The following DCC variants were observed in gnomAD, a reference collection of about 807,000 sequenced individuals.
DCC encodes netrin receptor DCC.
Under a neutral mutation model 172.5 loss-of-function variants are expected in DCC, and 58 were observed. The observed-to-expected ratio is 0.34, with a 90% CI of 0.27 to 0.42. DCC has a LOEUF of 0.42. Ranked by LOEUF, DCC falls within the 10% of genes least tolerant of loss-of-function variation. The pLI, the probability that DCC is intolerant of heterozygous loss-of-function variation, is 1.00. For synonymous variants in DCC, 709 were observed against 644.5 expected, an observed-to-expected ratio of 1.10 and a Z score of -1.52; for missense variants, 1,740 against 1,791.0, an observed-to-expected ratio of 0.97 and a Z score of 0.51.
chr18:52,823,019 G>T (rs556164865), intron 2 of DCC, among the ~76,000 whole-genome samples: 1 of 152,266 alleles, frequency 6.6e-6, no homozygotes, highest in African/African-American at 2.4e-5. Context: ...TGTGTCCCAT[G>T]AAAACATAAG....
chr18:52,924,968 T>C (rs529058759), intron 4 of DCC, among the ~76,000 whole-genome samples: 3 of 128,300 alleles, frequency 2.3e-5, no homozygotes, highest in African/African-American at 8.3e-5. Context: ...GACTAGATTA[T>C]CTATCATTTT....
At chr18:52,372,411 G>A (rs899731061) in intron 1 of DCC, among the ~76,000 whole-genome samples, 8 of 152,166 alleles carry the variant, frequency 5.3e-5, no homozygotes, top group African/African-American at 1.9e-4. Flanking sequence ...AGGCTAAACT[G>A]TTCCACAAGG....
In DCC at chr18:52,508,031, C is replaced by T. The variant is rs570350627; in HGVS notation, c.91+167153C>T. ...CAGGAGAATTACTTGAACCTGGAAG[C>T]GGAGGTTGCAGTGAGCTGAGTTTGA... is the stretch of plus-strand genomic sequence containing the variant. On this transcript the variant is annotated intron_variant, in intron 1 of 28. Transcript: ENST00000442544. 3.5e-3 allele frequency among the ~76,000 whole-genome samples: 529 copies of T among 151,856 alleles called. 5 individuals are homozygous for T. The highest frequency in any genetic ancestry group is 0.012 in the African/African-American group (486 of 41,386).
Position 53,435,047 on chromosome 18 carries a change from A to G in DCC, c.3164-97A>G, listed in dbSNP as rs575324590. ...GGCTTTCTTGGGGGTGATCAAAGTA[A>G]TCTGTTCTGTTATTGTGTGTGTTAA... On this transcript the variant is annotated intron_variant, in intron 21 of 28. Coordinates refer to ENST00000442544, the MANE Select transcript of DCC (RefSeq NM_005215.4). 54 of 919,978 alleles carry G rather than the reference A, an allele frequency of 5.9e-5. No individual in the cohort carries two copies. In the East Asian group the frequency reaches 1.3e-3, roughly 22 times the overall value. 57.0% of individuals were successfully genotyped at this position (919,978 alleles called of 1,614,324 possible).
intron 7 of DCC, among the ~76,000 whole-genome samples, chr18:53,081,020 CATAAG>C (rs550581048): frequency 7.0e-4 from 107 of 152,136 alleles, no homozygotes; most frequent in South Asian, 2.3e-3. Flanking sequence ...TATGCATTAA[CATAAG>C]ATAACCACTG....
At chr18:52,500,358 G>A (rs9965438) in intron 1 of DCC, among the ~76,000 whole-genome samples, 4,882 of 152,244 alleles carry the variant, frequency 0.032, 275 homozygotes, top group African/African-American at 0.11. Flanking sequence ...TTAGCATCCT[G>A]AAAGAGTGAT....
chr18:53,354,398 A>G (rs1260650407), intron 15 of DCC, among the ~76,000 whole-genome samples: 2 of 152,090 alleles, frequency 1.3e-5, no homozygotes, highest in Admixed American at 6.6e-5. Flanking sequence ...AAGTGTTCCT[A>G]TTTCTCCACA....
At position 52,401,427 on chromosome 18, in the gene DCC, T is replaced by G. The variant is rs1195209959; in HGVS notation, c.91+60549T>G. Among the ~76,000 whole-genome samples the G allele has an allele frequency of 5.3e-5, 8 of 152,164 alleles. No homozygotes were observed. In the East Asian group the frequency reaches 1.6e-3, roughly 30 times the overall value. On this transcript the variant is annotated intron_variant, in intron 1 of 28. Transcript: ENST00000442544. ...GATAAGGACAGAACAAAATTCATAT[T>G]CTAACCATTTACTGACGCTGAAGCA...
chr18:53,175,904 A>G (rs1171919458), intron 8 of DCC, among the ~76,000 whole-genome samples: 3 of 152,244 alleles, frequency 2.0e-5, no homozygotes, highest in Non-Finnish European at 4.4e-5. Flanking sequence ...AGCTGGAGGT[A>G]TCACACTACC....
intron 5 of DCC, among the ~76,000 whole-genome samples, chr18:53,015,367 G>T (rs2041793806): frequency 6.6e-6 from 1 of 152,112 alleles, no homozygotes; most frequent in Admixed American, 6.6e-5. Context: ...GTATGACTCT[G>T]ATTAATCATA....
intron 7 of DCC, among the ~76,000 whole-genome samples, chr18:53,100,432 C>A (rs57141605): frequency 0.038 from 5,728 of 151,400 alleles, 283 homozygotes; most frequent in East Asian, 0.25. Flanking sequence ...ATGTTCACAG[C>A]AAATAAATAG....
At chr18:53,146,459 T>A (rs1014421488) in intron 7 of DCC, among the ~76,000 whole-genome samples, 1 of 152,116 alleles carries the variant, frequency 6.6e-6, no homozygotes, top group Non-Finnish European at 1.5e-5. Context: ...TGGGGCAAAC[T>A]CTTTGCCAAG....
chr18:53,459,172 A>G, intron 23 of DCC, 60 bp from the exon 24 acceptor site: 1 of 1,312,810 alleles, frequency 7.6e-7, no homozygotes, highest in Non-Finnish European at 1.1e-6. Flanking sequence ...TGACTGATGA[A>G]AGAAAGGAAG....
intron 1 of DCC, among the ~76,000 whole-genome samples, chr18:52,659,695 T>C (rs1268314170): frequency 6.6e-6 from 1 of 152,208 alleles, no homozygotes; most frequent in Non-Finnish European, 1.5e-5. Flanking sequence ...ACTCAACAAA[T>C]GCTTTCGAAC....
At chr18:53,428,412 TATATA>T (rs1167084383) in intron 21 of DCC, among the ~76,000 whole-genome samples, 5 of 55,040 alleles carry the variant, frequency 9.1e-5, no homozygotes, top group South Asian at 6.0e-4. Context: ...ATATATTACA[TATATA>T]ATATAATATA....
intron 8 of DCC, among the ~76,000 whole-genome samples, chr18:53,167,535 A>G (rs2054940678): frequency 6.6e-6 from 1 of 152,190 alleles, no homozygotes; most frequent in Non-Finnish European, 1.5e-5. Flanking sequence ...TTTTCTAGGC[A>G]TTTCTAAGGT....
intron 7 of DCC, among the ~76,000 whole-genome samples, chr18:53,124,191 C>G (rs899019031): frequency 9.2e-5 from 14 of 151,958 alleles, no homozygotes; most frequent in African/African-American, 3.4e-4. Context: ...TTTTAAAACA[C>G]TTTTAGGTTT....
intron 1 of DCC, among the ~76,000 whole-genome samples, chr18:52,408,639 A>G (rs1285655916): frequency 3.3e-5 from 5 of 152,090 alleles, no homozygotes; most frequent in African/African-American, 1.2e-4. Flanking sequence ...TTGTTATTTT[A>G]TATTCCTCTG....
At chr18:53,500,920 T>C (rs1470785599) in intron 27 of DCC, among the ~76,000 whole-genome samples, 1 of 152,050 alleles carries the variant, frequency 6.6e-6, no homozygotes, top group Admixed American at 6.6e-5. Flanking sequence ...ACATACTACA[T>C]TATGGGGAGG....
Sources: gnomAD v4.1 joint callset for allele counts (sites outside exome capture counted in the v4.1 genomes callset) on GRCh38, gnomAD v4.1.1 for gene constraint, MANE v1.5 for transcripts, NCBI Gene and HGNC (gene_info 2026-07-23, HGNC 2026-07-21) for gene names.